The following ZNF148 variants were observed in gnomAD, a reference collection of about 807,000 sequenced individuals.
The protein encoded by ZNF148 is zinc finger protein 148, also known as Beta-Enolase Repressor Factor-1.
ZNF148 carries 7 observed loss-of-function variants against 67.7 expected under a neutral mutation model. That is an observed-to-expected ratio of 0.10 (90% CI 0.06 to 0.19). The LOEUF is 0.19. Ranked by LOEUF, ZNF148 falls within the 10% of genes least tolerant of loss-of-function variation. The probability of loss-of-function intolerance (pLI) is 1.00; values close to 1 mark genes in which losing one functional copy is unlikely to be tolerated. For synonymous variants in ZNF148, 333 were observed against 330.7 expected (o/e 1.01, Z -0.08); for missense variants, 583 against 947.1 (o/e 0.62, Z 5.05).
At chr3:125,343,558 G>A (rs1030487838) in intron 1 of ZNF148, among the ~76,000 whole-genome samples, 8 of 151,198 alleles carry the variant, frequency 5.3e-5, no homozygotes, top group Middle Eastern at 3.4e-3. Flanking sequence ...ACCAATCAGC[G>A]CTCTGTAAAA....
At chr3:125,368,385 CCTAA>C (rs1942765473) in intron 1 of ZNF148, among the ~76,000 whole-genome samples, 1 of 152,206 alleles carries the variant, frequency 6.6e-6, no homozygotes, top group Non-Finnish European at 1.5e-5. Context: ...TTATGTAGTG[CCTAA>C]CTAACTACAT....
At chr3:125,249,492 G>T (rs1045639252) in intron 7 of ZNF148, among the ~76,000 whole-genome samples, 1 of 152,118 alleles carries the variant, frequency 6.6e-6, no homozygotes, top group Non-Finnish European at 1.5e-5. Context: ...CTGTTAGGAT[G>T]GCTATTATCA....
At chr3:125,282,383 CA>C (rs1253550632) in intron 5 of ZNF148, among the ~76,000 whole-genome samples, 4 of 152,130 alleles carry the variant, frequency 2.6e-5, no homozygotes, top group African/African-American at 7.2e-5. Flanking sequence ...GACACCATTA[CA>C]ACTGAAGAAT....
intron 4 of ZNF148, among the ~76,000 whole-genome samples, chr3:125,299,394 G>A (rs979870299): frequency 5.3e-5 from 8 of 152,216 alleles, no homozygotes; most frequent in African/African-American, 1.9e-4. Context: ...ACCGGCTGTG[G>A]TGACTTACAC....
chr3:125,233,438 C>A lies in ZNF148; in HGVS notation c.1288G>T (p.Val430Leu). Reference protein sequence around the residue: ...SKVSKYAFELVDKQALLDSEG... With the variant: ...SKVSKYAFELLDKQALLDSEG... ...GAGTCCAGTAAAGCCTGTTTATCCA[C>A]AAGTTCAAAAGCATACTTTGAAACT... The change falls in exon 9 of 9, where the codon GTG becomes TTG. Residue 430 changes from valine to leucine, a missense_variant. Val to Leu is a conservative substitution (Grantham distance 32). Transcript: ENST00000360647. The surrounding 1 kb of genome is among the most constrained non-coding windows in gnomAD (Gnocchi z 5.1). The A allele has an allele frequency of 6.2e-7, 1 of 1,613,974 alleles. No homozygotes were observed. The highest frequency in any genetic ancestry group is 1.7e-5 in the Admixed American group (1 of 59,958).
chr3:125,232,854 A>G lies in ZNF148; in HGVS notation c.1872T>C (p.Asn624=), dbSNP rs1935917703. 2 of 1,613,782 alleles carry G rather than the reference A, an allele frequency of 1.2e-6. No individual in the cohort carries two copies. Among genetic ancestry groups the G allele is most frequent in the African/African-American group, 1.3e-5 (1 of 74,906 alleles). ...DRTSQNDAYL[N]SPSLNFVTDN... ...CAGTCACAAAGTTAAGGCTCGGGCT[A>G]TTCAAATAGGCATCATTTTGGCTAG... Residue 624 remains asparagine (N), a synonymous_variant, in exon 9 of 9, where the codon AAT becomes AAC. Coordinates refer to ENST00000360647, the MANE Select transcript of ZNF148 (RefSeq NM_021964.3). This position sits in a 1 kb window ranked among gnomAD's most constrained non-coding sequence, Gnocchi z 4.2.
At chr3:125,348,480 CAAAAAAAAAA>C (rs35810148) in intron 1 of ZNF148, among the ~76,000 whole-genome samples, 1 of 60,732 alleles carries the variant, frequency 1.6e-5, no homozygotes, top group African/African-American at 6.9e-5. Context: ...GACCCTGTCT[CAAAAAAAAAA>C]AAAAAAAAAA....
chr3:125,258,197 C>T (rs183380902), intron 7 of ZNF148, among the ~76,000 whole-genome samples: 168 of 151,676 alleles, frequency 1.1e-3, no homozygotes, highest in African/African-American at 3.9e-3. Flanking sequence ...CCAAGGTGGG[C>T]GGATCATGAG....
At chr3:125,263,320 A>G (rs1937424043) in intron 7 of ZNF148, among the ~76,000 whole-genome samples, 1 of 152,142 alleles carries the variant, frequency 6.6e-6, no homozygotes, top group Non-Finnish European at 1.5e-5. Context: ...GGAAGCCAAG[A>G]CGGGTGGGTC....
chr3:125,254,164 T>C (rs930993438), intron 7 of ZNF148, among the ~76,000 whole-genome samples: 1 of 152,146 alleles, frequency 6.6e-6, no homozygotes, highest in Non-Finnish European at 1.5e-5. Context: ...TTTTCAATTT[T>C]TGAAACAAAG....
intron 4 of ZNF148, among the ~76,000 whole-genome samples, chr3:125,292,313 G>A (rs1490748913): frequency 6.6e-6 from 1 of 152,178 alleles, no homozygotes; most frequent in Non-Finnish European, 1.5e-5. Flanking sequence ...TTTCGAAAAG[G>A]TTCAGAGAGC....
rs1168605495 is a variant in ZNF148, at chr3:125,340,591, T to C, written c.-233-9353A>G. ...CTCCAGTAGGATCAAACAAACCAAG[T>C]AGACTGCAAAGTCTCTAAAAATTAA... On this transcript the variant is annotated intron_variant, in intron 1 of 8. Transcript: ENST00000360647. Among the ~76,000 whole-genome samples the C allele has an allele frequency of 5.3e-5, 8 of 152,114 alleles. No homozygotes were observed. In the South Asian group the frequency reaches 1.2e-3, roughly 24 times the overall value.
chr3:125,369,261 C>CAAAAAAAAAAAA (rs71148178), intron 1 of ZNF148, among the ~76,000 whole-genome samples: 2 of 12,888 alleles, frequency 1.6e-4, no homozygotes, highest in Non-Finnish European at 2.4e-4. Context: ...GATCCTGCCT[C>CAAAAAAAAAAAA]AAAAAAAAAA....
chr3:125,319,465 C>T lies in ZNF148; in HGVS notation c.-17+3844G>A, dbSNP rs528112608. Among the ~76,000 whole-genome samples the T allele has an allele frequency of 6.2e-4, 94 of 152,190 alleles. 1 individual carries two copies. Among genetic ancestry groups the T allele is most frequent in the African/African-American group, 2.2e-3 (90 of 41,540 alleles). Reference sequence around the variant, plus strand: ...TACTACTCATTTTTAATCAAATATACAAGGCTCTTAAAAATGCTTGCTTGT... The same window carrying T: ...TACTACTCATTTTTAATCAAATATATAAGGCTCTTAAAAATGCTTGCTTGT... On this transcript the variant is annotated intron_variant, in intron 3 of 8. Transcript: ENST00000360647.
intron 7 of ZNF148, among the ~76,000 whole-genome samples, chr3:125,258,746 T>G (rs1352128620): frequency 6.6e-6 from 1 of 152,184 alleles, no homozygotes; most frequent in Admixed American, 6.5e-5. Flanking sequence ...TTATTTTACT[T>G]AAAACAGTCT....
At chr3:125,272,688 C>A (rs1408212841) in intron 7 of ZNF148, among the ~76,000 whole-genome samples, 2 of 151,888 alleles carry the variant, frequency 1.3e-5, no homozygotes, top group Admixed American at 6.6e-5. Context: ...TATAAATGAT[C>A]TCTTTTATGT....
rs774830678 is a variant in ZNF148, at chr3:125,230,871, C to T, written c.*1470G>A. 1 of 152,116 alleles carries T rather than the reference C, an allele frequency of 6.6e-6. No individual in the cohort carries two copies. Among genetic ancestry groups the T allele is most frequent in the South Asian group, 2.1e-4 (1 of 4,824 alleles). The allele number at this position is 152,116 out of a possible 1,614,324, so 9.4% of individuals were successfully genotyped here. A position where few individuals can be genotyped will look rare whatever the true frequency, so the allele number is the denominator to read the frequency against. On this transcript the variant is annotated 3_prime_UTR_variant, in exon 9 of 9. Transcript: ENST00000360647. Reference sequence around the variant, plus strand: ...AAAGAGTCAATAACTAATATAACTTCCAAAAATCAAAACTGCCCAACGCAT... The same window carrying T: ...AAAGAGTCAATAACTAATATAACTTTCAAAAATCAAAACTGCCCAACGCAT...
At chr3:125,279,914 G>A (rs1484905778) in intron 5 of ZNF148, among the ~76,000 whole-genome samples, 1 of 151,958 alleles carries the variant, frequency 6.6e-6, no homozygotes, top group East Asian at 1.9e-4. Flanking sequence ...GAACTGGGCA[G>A]ACAAGAGATA....
intron 4 of ZNF148, among the ~76,000 whole-genome samples, chr3:125,301,782 G>A (rs970072193): frequency 8.6e-5 from 13 of 151,996 alleles, no homozygotes; most frequent in African/African-American, 1.7e-4. Context: ...ATGTACATTC[G>A]GCCAGGCGCA....
Sources: gnomAD v4.1 joint callset for allele counts (sites outside exome capture counted in the v4.1 genomes callset) on GRCh38, gnomAD v4.1.1 for gene constraint, Gnocchi (gnomAD v3.1) non-coding constraint, MANE v1.5 for transcripts, NCBI Gene and HGNC (gene_info 2026-07-23, HGNC 2026-07-21) for gene names.